The following GLIS3 variants were observed in gnomAD, a reference collection of about 807,000 sequenced individuals.
GLIS3 encodes GLIS family zinc finger 3.
A neutral mutation model predicts 78.6 loss-of-function variants in GLIS3; 53 were observed. The ratio of observed to expected loss-of-function variants is 0.67; its 90% CI spans 0.54 to 0.85. The LOEUF (loss-of-function observed/expected upper bound fraction) is 0.85, where lower values mean the gene tolerates loss of function less well. Among genes scored for constraint, GLIS3 ranks in the 40% least tolerant of loss-of-function variants. The pLI is 0.00. For synonymous variants in GLIS3, 684 were observed against 509.9 expected (o/e 1.34, Z -4.60); for missense variants, 1,703 against 1,231.1 (o/e 1.38, Z -5.74).
At chr9:3,855,724 T>G (rs1819737160) in intron 9 of GLIS3, 1 of 417,394 alleles carries the variant, frequency 2.4e-6, no homozygotes, top group Admixed American at 3.5e-5. Flanking sequence ...GTCTATTGTT[T>G]AGAAACAGGA....
rs143379486 is a variant in GLIS3 at position 3,985,580 on chromosome 9, A to G, written c.1711-48391T>C. ...AAGCAGATGTTTGCTCCTCTCTAGAATGTCATCTTCTACCACAGATTGTGT... is the reference window on the plus strand; with the variant it reads ...AAGCAGATGTTTGCTCCTCTCTAGAGTGTCATCTTCTACCACAGATTGTGT... On this transcript the variant is annotated intron_variant, in intron 4 of 10. Transcript: ENST00000381971. Among the ~76,000 whole-genome samples the G allele has an allele frequency of 7.7e-4, 117 of 152,330 alleles. 1 individual carries two copies. The highest frequency in any genetic ancestry group is 2.5e-3 in the African/African-American group (106 of 41,576).
At chr9:3,926,233 G>GT (rs369677580) in intron 6 of GLIS3, among the ~76,000 whole-genome samples, 50,124 of 135,072 alleles carry the variant, frequency 0.37, 9,989 homozygotes, top group Non-Finnish European at 0.42. Flanking sequence ...TTTTTCTTTT[G>GT]TTTTTTTTTT....
chr9:4,016,459 C>G (rs1349069647), intron 4 of GLIS3, among the ~76,000 whole-genome samples: 1 of 152,126 alleles, frequency 6.6e-6, no homozygotes, highest in Non-Finnish European at 1.5e-5. Context: ...CATTTCTAAA[C>G]AGAACAAAGG....
At chr9:4,187,033 C>T (rs1489754457) in intron 2 of GLIS3, among the ~76,000 whole-genome samples, 3 of 152,154 alleles carry the variant, frequency 2.0e-5, no homozygotes, top group Admixed American at 2.0e-4. Flanking sequence ...GCTTTTGTTG[C>T]CATTGCTTTC....
At chr9:4,445,534 T>A in the GLIS3 span, among the ~76,000 whole-genome samples, 1 of 152,190 alleles carries the variant, frequency 6.6e-6, no homozygotes, top group Non-Finnish European at 1.5e-5. Context: ...CTTGGGAAGC[T>A]GAGGGAGGAG....
chr9:3,839,431 G>A (rs902573326), intron 9 of GLIS3, among the ~76,000 whole-genome samples: 1 of 152,058 alleles, frequency 6.6e-6, no homozygotes, highest in Non-Finnish European at 1.5e-5. Flanking sequence ...TTTGGTTAGT[G>A]TTATACCAAC....
chr9:4,273,589 T>TAAATA (rs1826714495), intron 2 of GLIS3, among the ~76,000 whole-genome samples: 1 of 100,106 alleles, frequency 1.0e-5, no homozygotes, highest in Non-Finnish European at 2.0e-5. Context: ...CAAGACCTTA[T>TAAATA]CATAAATAAA....
At chr9:4,315,679 G>T (rs1250313884) in intron 2 of GLIS3, among the ~76,000 whole-genome samples, 2 of 152,128 alleles carry the variant, frequency 1.3e-5, no homozygotes, top group Non-Finnish European at 2.9e-5. Flanking sequence ...ACACAGTGGG[G>T]ACTGGAGACA....
At chr9:4,070,526 G>T (rs967541577) in intron 4 of GLIS3, among the ~76,000 whole-genome samples, 1 of 152,094 alleles carries the variant, frequency 6.6e-6, no homozygotes, top group African/African-American at 2.4e-5. Flanking sequence ...GTGCGTGTGC[G>T]TAAGTATTTG....
chr9:4,012,311 G>T (rs1293017954), intron 4 of GLIS3, among the ~76,000 whole-genome samples: 1 of 152,118 alleles, frequency 6.6e-6, no homozygotes, highest in Non-Finnish European at 1.5e-5. Context: ...TTTCTATTAG[G>T]TATTGGAAGA....
At chr9:4,354,645 C>T in the GLIS3 span, among the ~76,000 whole-genome samples, 3 of 152,258 alleles carry the variant, frequency 2.0e-5, no homozygotes, top group East Asian at 1.9e-4. Context: ...GGGGCTTTCT[C>T]GAGCCTCTCA....
intron 2 of GLIS3, among the ~76,000 whole-genome samples, chr9:4,127,456 T>C (rs1832658092): frequency 6.6e-6 from 1 of 152,334 alleles, no homozygotes; most frequent in African/African-American, 2.4e-5. Context: ...CATCTTCTTG[T>C]GCCTTAAAAG....
intron 9 of GLIS3, among the ~76,000 whole-genome samples, chr9:3,852,093 C>A (rs1169931985): frequency 6.6e-6 from 1 of 150,760 alleles, no homozygotes; most frequent in African/African-American, 2.4e-5. Context: ...TGCAGTGAGC[C>A]AAGAACGTGT....
chr9:4,250,670 C>T (rs1438045568), intron 2 of GLIS3, among the ~76,000 whole-genome samples: 1 of 152,092 alleles, frequency 6.6e-6, no homozygotes, highest in Middle Eastern at 3.2e-3. Context: ...AATTTGTTTG[C>T]TCTTGCTTCT....
At chr9:4,113,454 T>C (rs1166799374) in intron 4 of GLIS3, among the ~76,000 whole-genome samples, 3 of 152,128 alleles carry the variant, frequency 2.0e-5, no homozygotes, top group Admixed American at 1.3e-4. Context: ...TCCAACAACG[T>C]TAAAGGGTAT....
At chr9:4,414,642 G>C in the GLIS3 span, among the ~76,000 whole-genome samples, 1 of 151,962 alleles carries the variant, frequency 6.6e-6, no homozygotes, top group African/African-American at 2.4e-5. Flanking sequence ...AGGATTCATT[G>C]CTTGACCAAT....
chr9:4,455,785 C>G, the GLIS3 span, among the ~76,000 whole-genome samples: 1 of 152,190 alleles, frequency 6.6e-6, no homozygotes, highest in South Asian at 2.1e-4. Context: ...TAAAGTGATT[C>G]ACATGATTGT....
intron 2 of GLIS3, among the ~76,000 whole-genome samples, chr9:4,130,637 C>T (rs1213753817): frequency 2.0e-5 from 3 of 152,196 alleles, no homozygotes; most frequent in African/African-American, 4.8e-5. Flanking sequence ...AGAGTTGAGG[C>T]TTGGAAGCTT....
chr9:4,087,239 G>T (rs1027443871), intron 4 of GLIS3, among the ~76,000 whole-genome samples: 14 of 152,266 alleles, frequency 9.2e-5, no homozygotes, highest in East Asian at 7.7e-4. Flanking sequence ...CTATAAAAAT[G>T]TATCAGCTGT....
Sources: gnomAD v4.1 joint callset for allele counts (sites outside exome capture counted in the v4.1 genomes callset) on GRCh38, gnomAD v4.1.1 for gene constraint, MANE v1.5 for transcripts, NCBI Gene and HGNC (gene_info 2026-07-23, HGNC 2026-07-21) for gene names.